Variants in EPHA3 observed in about 807,000 individuals in gnomAD.
EPHA3 encodes the protein ephrin type-A receptor 3.
In EPHA3, 42 loss-of-function variants were observed where a neutral mutation model predicts 107.1. The ratio of observed to expected loss-of-function variants is 0.39; its 90% CI spans 0.31 to 0.51. The LOEUF is 0.51. Among genes scored for constraint, EPHA3 ranks in the 20% least tolerant of loss-of-function variants. EPHA3 has a pLI of 0.78. For missense variants in EPHA3, 1,183 were observed against 1,211.2 expected, an observed-to-expected ratio of 0.98 and a Z score of 0.35; for synonymous variants, 461 against 424.8, an observed-to-expected ratio of 1.09 and a Z score of -1.05.
chr3:89,360,320 T>C lies in EPHA3; in HGVS notation c.1306+18230T>C, dbSNP rs772672816. Among the ~76,000 whole-genome samples, 29 of 150,986 alleles carry C rather than the reference T, an allele frequency of 1.9e-4. 1 individual carries two copies. The highest frequency in any genetic ancestry group is 4.2e-4 in the Non-Finnish European group (28 of 67,456). ...TATGACTAATTAGATAATAATTGCT[T>C]GTCCACATAACACCTAAAATTCTTT... On this transcript the variant is annotated intron_variant, in intron 5 of 16. Coordinates refer to ENST00000336596, the MANE Select transcript of EPHA3 (RefSeq NM_005233.6).
intron 15 of EPHA3, among the ~76,000 whole-genome samples, chr3:89,467,335 A>C (rs922315997): frequency 6.6e-6 from 1 of 152,316 alleles, no homozygotes; most frequent in South Asian, 2.1e-4. Flanking sequence ...GTATTTCCTG[A>C]AACTATTCAC....
chr3:89,214,717 C>T (rs1373039920), intron 3 of EPHA3, among the ~76,000 whole-genome samples: 1 of 151,750 alleles, frequency 6.6e-6, no homozygotes, highest in African/African-American at 2.4e-5. Flanking sequence ...TTGATTTTTC[C>T]CATCTGGTAT....
At chr3:89,142,984 C>A (rs888864310) in intron 2 of EPHA3, among the ~76,000 whole-genome samples, 3 of 151,056 alleles carry the variant, frequency 2.0e-5, no homozygotes, top group Non-Finnish European at 4.4e-5. Context: ...CTCTTTTAAC[C>A]TTTTAGCTAA....
At chr3:89,241,477 TG>T (rs869177252) in intron 3 of EPHA3, among the ~76,000 whole-genome samples, 1 of 151,634 alleles carries the variant, frequency 6.6e-6, no homozygotes, top group Non-Finnish European at 1.5e-5. Flanking sequence ...ACGCCAATAA[TG>T]ATAACATTTC....
chr3:89,137,413 C>T (rs1277545830), intron 2 of EPHA3, among the ~76,000 whole-genome samples: 1 of 151,814 alleles, frequency 6.6e-6, no homozygotes, highest in Non-Finnish European at 1.5e-5. Flanking sequence ...GCTTATTACA[C>T]TCTGGTGCTT....
intron 3 of EPHA3, among the ~76,000 whole-genome samples, chr3:89,220,945 A>T (rs1704358596): frequency 6.6e-6 from 1 of 152,146 alleles, no homozygotes; most frequent in Admixed American, 6.5e-5. Flanking sequence ...ACAACATATG[A>T]GCTTGGTGGA....
chr3:89,299,590 A>G (rs1332043598), intron 3 of EPHA3, among the ~76,000 whole-genome samples: 3 of 152,066 alleles, frequency 2.0e-5, no homozygotes, highest in African/African-American at 7.2e-5. Flanking sequence ...TTTAATCACT[A>G]CAGCATTATT....
At chr3:89,351,072 T>C (rs1707802866) in intron 5 of EPHA3, among the ~76,000 whole-genome samples, 1 of 151,324 alleles carries the variant, frequency 6.6e-6, no homozygotes, top group African/African-American at 2.4e-5. Context: ...GTCTTTTTGT[T>C]TGTCTTTGCC....
At chr3:89,325,878 T>G (rs989687717) in intron 3 of EPHA3, among the ~76,000 whole-genome samples, 3 of 151,474 alleles carry the variant, frequency 2.0e-5, no homozygotes, top group Non-Finnish European at 4.4e-5. Context: ...TTTTCCTTTA[T>G]TTTTGTGATA....
At chr3:89,233,442 T>C (rs1348232139) in intron 3 of EPHA3, among the ~76,000 whole-genome samples, 1 of 152,222 alleles carries the variant, frequency 6.6e-6, no homozygotes, top group African/African-American at 2.4e-5. Context: ...GGCTTGCCTT[T>C]GGTACTGAGG....
chr3:89,435,804 T>G (rs1256350715), intron 13 of EPHA3, among the ~76,000 whole-genome samples: 1 of 150,114 alleles, frequency 6.7e-6, no homozygotes. Context: ...AATACAAAAA[T>G]TAGCTGGGTG....
intron 3 of EPHA3, among the ~76,000 whole-genome samples, chr3:89,339,893 T>A (rs370641217): frequency 6.6e-6 from 1 of 152,186 alleles, no homozygotes; most frequent in Non-Finnish European, 1.5e-5. Context: ...TTAGAAATTA[T>A]TGACTTCCAA....
intron 2 of EPHA3, among the ~76,000 whole-genome samples, chr3:89,161,110 G>C (rs1463952880): frequency 1.3e-5 from 2 of 152,112 alleles, no homozygotes; most frequent in Non-Finnish European, 2.9e-5. Context: ...ACTCTGGTAA[G>C]ACAATTAGAG....
intron 3 of EPHA3, among the ~76,000 whole-genome samples, chr3:89,216,804 A>G (rs1276777574): frequency 6.6e-6 from 1 of 152,148 alleles, no homozygotes; most frequent in Non-Finnish European, 1.5e-5. Flanking sequence ...CATGTTTTTC[A>G]GAATACATGT....
chr3:89,445,125 G>C (rs923191380), intron 13 of EPHA3, among the ~76,000 whole-genome samples: 3 of 152,040 alleles, frequency 2.0e-5, no homozygotes, highest in Non-Finnish European at 4.4e-5. Flanking sequence ...TATTAGCCAG[G>C]CTTGGTGGCG....
chr3:89,386,825 G>C (rs1708632550), intron 5 of EPHA3, among the ~76,000 whole-genome samples: 1 of 152,222 alleles, frequency 6.6e-6, no homozygotes, highest in African/African-American at 2.4e-5. Flanking sequence ...GCATGACTTG[G>C]ATATGAGACA....
chr3:89,415,855 G>A (rs991589840), intron 10 of EPHA3, among the ~76,000 whole-genome samples: 13 of 151,516 alleles, frequency 8.6e-5, no homozygotes, highest in Non-Finnish European at 1.8e-4. Flanking sequence ...AACAAAAGCT[G>A]AGAATTTGAA....
At chr3:89,283,281 T>C (rs1705992298) in intron 3 of EPHA3, among the ~76,000 whole-genome samples, 1 of 152,106 alleles carries the variant, frequency 6.6e-6, no homozygotes, top group African/African-American at 2.4e-5. Flanking sequence ...GTCATGGAAT[T>C]CTAAGTAGGT....
chr3:89,361,288 G>T (rs1029785640), intron 5 of EPHA3, among the ~76,000 whole-genome samples: 2 of 150,918 alleles, frequency 1.3e-5, no homozygotes, highest in African/African-American at 4.8e-5. Flanking sequence ...TTTTTAAAGG[G>T]TGTCATGTGT....
Sources: allele counts gnomAD v4.1 joint callset (sites outside exome capture counted in the v4.1 genomes callset), GRCh38; gene constraint gnomAD v4.1.1; transcripts MANE v1.5; gene names NCBI Gene and HGNC (gene_info 2026-07-23, HGNC 2026-07-21).